TSHZ2: variants seen among roughly 807,000 people sequenced by gnomAD.
The protein encoded by TSHZ2 is teashirt homolog 2.
A neutral mutation model predicts 74.4 loss-of-function variants in TSHZ2; 21 were observed. The ratio of observed to expected loss-of-function variants is 0.28; its 90% CI spans 0.20 to 0.41. TSHZ2 has a LOEUF of 0.41. Among genes scored for constraint, TSHZ2 ranks in the 10% least tolerant of loss-of-function variants. The probability of loss-of-function intolerance (pLI) is 1.00; values close to 1 mark genes in which losing one functional copy is unlikely to be tolerated. For missense variants in TSHZ2, 1,244 were observed against 1,293.5 expected, an observed-to-expected ratio of 0.96 and a Z score of 0.59; for synonymous variants, 540 against 515.3, an observed-to-expected ratio of 1.05 and a Z score of -0.65.
chr20:52,990,153 A>G (rs1308875260), intron 1 of TSHZ2, among the ~76,000 whole-genome samples: 2 of 152,116 alleles, frequency 1.3e-5, no homozygotes, highest in Non-Finnish European at 2.9e-5. Flanking sequence ...TTATGTGGAG[A>G]AGAACAGTTA....
At chr20:52,976,190 T>C (rs999849393) in intron 1 of TSHZ2, among the ~76,000 whole-genome samples, 6 of 152,218 alleles carry the variant, frequency 3.9e-5, no homozygotes, top group Middle Eastern at 3.2e-3. Flanking sequence ...ATATTGTAAG[T>C]GATGAGGAAT....
intron 1 of TSHZ2, among the ~76,000 whole-genome samples, chr20:53,015,487 A>G (rs1424182925): frequency 6.6e-6 from 1 of 152,182 alleles, no homozygotes; most frequent in African/African-American, 2.4e-5. Context: ...TTTGGCCACA[A>G]TATCAATAGT....
intron 1 of TSHZ2, among the ~76,000 whole-genome samples, chr20:53,097,153 G>T (rs1191853861): frequency 6.6e-6 from 1 of 152,130 alleles, no homozygotes; most frequent in African/African-American, 2.4e-5. Flanking sequence ...CTGGGACAAG[G>T]AGGGGGATGG....
Position 53,488,606 on chromosome 20 carries a change from C to T in TSHZ2, c.*1471C>T, listed in dbSNP as rs149176756. 128 of 180,206 alleles carry T rather than the reference C, an allele frequency of 7.1e-4. No homozygotes were observed. The East Asian group carries it at 0.019, about 27-fold the overall frequency. 11.2% of individuals were successfully genotyped at this position (180,206 alleles called of 1,614,324 possible). A position where few individuals can be genotyped will look rare whatever the true frequency, so the allele number is the denominator to read the frequency against. ...CTGGATTATGTGGTAAATTGCTACT[C>T]AGCTATGGTGAAATATTTATACTAT... On this transcript the variant is annotated 3_prime_UTR_variant, in exon 3 of 3. Transcript: ENST00000371497.
chr20:53,229,356 C>A (rs184205809), intron 1 of TSHZ2, among the ~76,000 whole-genome samples: 1 of 152,266 alleles, frequency 6.6e-6, no homozygotes, highest in African/African-American at 2.4e-5. Context: ...AGCAATGCCA[C>A]CTTGCCATTG....
chr20:53,059,021 G>C (rs549901319), intron 1 of TSHZ2, among the ~76,000 whole-genome samples: 1 of 152,310 alleles, frequency 6.6e-6, no homozygotes, highest in South Asian at 2.1e-4. Context: ...AAGTCTCATT[G>C]AGTGTATTTT....
At chr20:53,040,920 C>G (rs1433196877) in intron 1 of TSHZ2, among the ~76,000 whole-genome samples, 2 of 152,118 alleles carry the variant, frequency 1.3e-5, no homozygotes, top group African/African-American at 4.8e-5. Context: ...CCTGTTGTTC[C>G]TATTCACACA....
At chr20:52,992,440 G>A (rs982211693) in intron 1 of TSHZ2, among the ~76,000 whole-genome samples, 2 of 152,148 alleles carry the variant, frequency 1.3e-5, no homozygotes, top group East Asian at 3.9e-4. Context: ...GCTAGCAATC[G>A]TAAGAAAACA....
intron 2 of TSHZ2, among the ~76,000 whole-genome samples, chr20:53,450,046 T>C (rs898829186): frequency 6.6e-6 from 1 of 152,250 alleles, no homozygotes; most frequent in Non-Finnish European, 1.5e-5. Flanking sequence ...TGTTTATTGA[T>C]TGAAGAAATA....
At chr20:53,223,860 C>T (rs190805799) in intron 1 of TSHZ2, among the ~76,000 whole-genome samples, 15 of 151,544 alleles carry the variant, frequency 9.9e-5, no homozygotes, top group Admixed American at 9.9e-4. Flanking sequence ...GTGGAGAGCT[C>T]ATGAATCTAC....
intron 2 of TSHZ2, among the ~76,000 whole-genome samples, chr20:53,352,830 CGGAGA>C (rs1568881505): frequency 2.0e-5 from 3 of 150,412 alleles, no homozygotes; most frequent in African/African-American, 7.3e-5. Flanking sequence ...GCATCAACTT[CGGAGA>C]GGAAAGAAAA....
intron 1 of TSHZ2, among the ~76,000 whole-genome samples, chr20:53,029,641 A>G (rs1273478129): frequency 6.6e-6 from 1 of 152,228 alleles, no homozygotes; most frequent in Non-Finnish European, 1.5e-5. Context: ...GCACCACTGC[A>G]CTCCAGCCTG....
intron 1 of TSHZ2, among the ~76,000 whole-genome samples, chr20:53,171,561 A>G (rs754096663): frequency 6.6e-6 from 1 of 151,584 alleles, no homozygotes; most frequent in Non-Finnish European, 1.5e-5. Context: ...TTTTTTTCCT[A>G]AATTAAGTGT....
intron 2 of TSHZ2, among the ~76,000 whole-genome samples, chr20:53,284,471 T>C (rs541210143): frequency 1.4e-4 from 22 of 152,334 alleles, no homozygotes; most frequent in African/African-American, 4.6e-4. Flanking sequence ...TATCAAATGA[T>C]GATAAGTGTA....
At chr20:53,335,061 AG>A (rs1979889290) in intron 2 of TSHZ2, among the ~76,000 whole-genome samples, 1 of 152,350 alleles carries the variant, frequency 6.6e-6, no homozygotes, top group Non-Finnish European at 1.5e-5. Flanking sequence ...GCCAGTTAGG[AG>A]GCTGTTGCAA....
At chr20:53,392,706 T>TA (rs893579275) in intron 2 of TSHZ2, among the ~76,000 whole-genome samples, 7 of 152,206 alleles carry the variant, frequency 4.6e-5, no homozygotes, top group African/African-American at 1.7e-4. Context: ...TTTTATTTTT[T>TA]AAAAAAACTT....
intron 1 of TSHZ2, among the ~76,000 whole-genome samples, chr20:52,995,611 C>CTTT (rs11469115): frequency 3.7e-5 from 5 of 136,100 alleles, no homozygotes; most frequent in Admixed American, 7.3e-5. Flanking sequence ...TTTTTCTTTC[C>CTTT]TTTTTTTTTT....
intron 1 of TSHZ2, among the ~76,000 whole-genome samples, chr20:53,052,089 A>G (rs1476876748): frequency 6.6e-6 from 1 of 152,158 alleles, no homozygotes; most frequent in Admixed American, 6.5e-5. Context: ...GAACTTTTTC[A>G]TCTTGCAAAA....
At chr20:53,364,853 G>A (rs530770594) in intron 2 of TSHZ2, among the ~76,000 whole-genome samples, 191 of 152,328 alleles carry the variant, frequency 1.3e-3, no homozygotes, top group Non-Finnish European at 2.5e-3. Flanking sequence ...TTGGGCAGAT[G>A]CCTGATTACT....
Sources: gnomAD v4.1 joint callset for allele counts (sites outside exome capture counted in the v4.1 genomes callset) on GRCh38, gnomAD v4.1.1 for gene constraint, MANE v1.5 for transcripts, NCBI Gene and HGNC (gene_info 2026-07-23, HGNC 2026-07-21) for gene names.